NUP43: variants seen among roughly 807,000 people sequenced by gnomAD.
NUP43 encodes the protein nucleoporin Nup43.
A neutral mutation model predicts 47.3 loss-of-function variants in NUP43; 32 were observed. That is an observed-to-expected ratio of 0.68 (90% CI 0.51 to 0.91). The LOEUF (loss-of-function observed/expected upper bound fraction) is 0.91. Among genes scored for constraint, NUP43 ranks in the 40% least tolerant of loss-of-function variants. The pLI is 0.00. For missense variants in NUP43, 444 were observed against 453.9 expected (o/e 0.98, Z 0.20); for synonymous variants, 147 against 158.4 (o/e 0.93, Z 0.54).
At chr6:149,728,324 G>C in intron 7 of NUP43, 1 of 985,114 alleles carries the variant, frequency 1.0e-6, no homozygotes, top group South Asian at 4.7e-5. Context: ...AAGTAAACTT[G>C]CAAGTTCAAG....
At chr6:149,740,275 C>CAAAAAAAA (rs766447484) in intron 4 of NUP43, among the ~76,000 whole-genome samples, 1 of 22,446 alleles carries the variant, frequency 4.5e-5, no homozygotes. Context: ...GACCCTGTCT[C>CAAAAAAAA]AAAAAAAAAA....
upstream of NUP43, among the ~76,000 whole-genome samples, chr6:149,747,905 T>G (rs964971490): frequency 2.6e-5 from 4 of 152,226 alleles, no homozygotes; most frequent in African/African-American, 9.6e-5. Context: ...GGATTTGACT[T>G]TTTTCTTTTC....
rs1303974481 is a variant in NUP43 at position 149,736,540 on chromosome 6, T to C, written c.721A>G (p.Met241Val). ...TGTCTAACATCCCAAATACTCAACA[T>C]TCCATCTTGGCCACCAGTAGCTACA... ...HVVATGGQDG[M>V]LSIWDVRQGT... Residue 241 changes from methionine (M) to valine (V), a missense_variant, in exon 6 of 8, where the codon ATG (methionine) becomes GTG (valine). By Grantham distance (21) the Met-to-Val change is conservative (BLOSUM62 1). Coordinates refer to ENST00000340413, the MANE Select transcript of NUP43 (RefSeq NM_198887.3). 4 of 1,612,080 alleles carry C rather than the reference T, an allele frequency of 2.5e-6. No homozygotes were observed. The highest frequency in any genetic ancestry group is 3.4e-6 in the Non-Finnish European group (4 of 1,178,370).
At chr6:149,749,271 T>A (rs1380061158), upstream of NUP43, 1 of 158,050 alleles carries the variant, frequency 6.3e-6, no homozygotes, top group Non-Finnish European at 1.4e-5. Flanking sequence ...TTTATTCTTA[T>A]TGTATTATTC....
At chr6:149,741,860 A>G (rs1268090030) in intron 4 of NUP43, among the ~76,000 whole-genome samples, 1 of 151,594 alleles carries the variant, frequency 6.6e-6, no homozygotes, top group African/African-American at 2.4e-5. Flanking sequence ...AAAGGAGTAC[A>G]ATGATTTTTC....
chr6:149,734,380 G>A (rs1785214504), intron 6 of NUP43, among the ~76,000 whole-genome samples: 3 of 151,556 alleles, frequency 2.0e-5, no homozygotes, highest in Non-Finnish European at 2.9e-5. Context: ...CGTGCCTGTA[G>A]CCTCAGCTAC....
At chr6:149,743,183 A>G (rs575326180) in intron 3 of NUP43, among the ~76,000 whole-genome samples, 1 of 151,428 alleles carries the variant, frequency 6.6e-6, no homozygotes, top group African/African-American at 2.4e-5. Flanking sequence ...CTCAAAAAAA[A>G]AAATAAATAA....
chr6:149,742,470 T>C lies in NUP43; in HGVS notation c.422A>G (p.Asn141Ser), dbSNP rs375503156. ...CTCTCCAACTGTAACGATTTCTGGGTTGTTGCACACAACACCTGTACATGG... is the reference window on the plus strand; with the variant it reads ...CTCTCCAACTGTAACGATTTCTGGGCTGTTGCACACAACACCTGTACATGG... ...SAPCTGVVCNNPEIVTVGEDG... is the reference protein window; with the variant it reads ...SAPCTGVVCNSPEIVTVGEDG... Residue 141 changes from asparagine to serine, a missense_variant, in exon 4 of 8, where the codon AAC (asparagine) becomes AGC (serine). Physicochemically the swap from Asn to Ser is conservative, Grantham distance 46. Transcript: ENST00000340413. 6.8e-6 allele frequency: 11 copies of C among 1,614,160 alleles called. No homozygotes were observed. In the African/African-American group the frequency reaches 1.2e-4, roughly 18 times the overall value.
At chr6:149,733,302 G>A (rs1486794258) in intron 6 of NUP43, among the ~76,000 whole-genome samples, 1 of 152,092 alleles carries the variant, frequency 6.6e-6, no homozygotes, top group Non-Finnish European at 1.5e-5. Context: ...CAAGAATTTG[G>A]ATCCAGTCTC....
At chr6:149,741,695 C>T (rs548647909) in intron 4 of NUP43, among the ~76,000 whole-genome samples, 4 of 151,668 alleles carry the variant, frequency 2.6e-5, no homozygotes, top group South Asian at 4.2e-4. Context: ...TCAGTAGAGA[C>T]GGATTTTCAC....
At chr6:149,729,571 C>G (rs1329720860) in intron 7 of NUP43, 13 of 966,698 alleles carry the variant, frequency 1.3e-5, no homozygotes, top group Non-Finnish European at 1.6e-5. Flanking sequence ...AGCAGGGGTA[C>G]TAACAATTAC....
intron 4 of NUP43, among the ~76,000 whole-genome samples, chr6:149,738,981 T>TGAA (rs2115125818): frequency 6.6e-6 from 1 of 152,118 alleles, no homozygotes; most frequent in African/African-American, 2.4e-5. Context: ...ACAGGACATC[T>TGAA]GAACTGTTTT....
At chr6:149,731,042 C>A (rs1367249768) in intron 7 of NUP43, among the ~76,000 whole-genome samples, 2 of 151,666 alleles carry the variant, frequency 1.3e-5, no homozygotes, top group African/African-American at 2.4e-5. Flanking sequence ...CTGAGGTGGT[C>A]AGATCACTTG....
At chr6:149,728,475 T>G (rs1784889848) in intron 7 of NUP43, 9 of 984,746 alleles carry the variant, frequency 9.1e-6, no homozygotes, top group Non-Finnish European at 1.1e-5. Flanking sequence ...GCTCCAGAAT[T>G]TTTCTGAAGA....
intron 4 of NUP43, among the ~76,000 whole-genome samples, chr6:149,739,758 C>A (rs545673520): frequency 6.6e-6 from 1 of 152,264 alleles, no homozygotes; most frequent in South Asian, 2.1e-4. Flanking sequence ...CCAGTGCTTC[C>A]TACAGAGCTC....
intron 2 of NUP43, 129 bp from the exon 3 acceptor site, chr6:149,743,844 G>A: frequency 3.5e-6 from 2 of 573,258 alleles, no homozygotes; most frequent in Admixed American, 3.4e-5. Flanking sequence ...TGAGTGCTAA[G>A]GAAATAAAAT....
At chr6:149,746,622 T>C, upstream of NUP43, 2 of 1,600,854 alleles carry the variant, frequency 1.2e-6, no homozygotes, top group South Asian at 1.1e-5. Flanking sequence ...AGAGAGTCAA[T>C]TCTCGTCGAT....
chr6:149,747,156 T>C (rs912050644), upstream of NUP43, among the ~76,000 whole-genome samples: 2 of 152,234 alleles, frequency 1.3e-5, no homozygotes, highest in African/African-American at 4.8e-5. Context: ...CCTTCTGTGC[T>C]TTTGGTTACA....
intron 4 of NUP43, among the ~76,000 whole-genome samples, chr6:149,739,299 G>GT (rs1344911652): frequency 2.6e-5 from 4 of 151,486 alleles, no homozygotes; most frequent in African/African-American, 4.8e-5. Flanking sequence ...TTTTCTTTTT[G>GT]TTTTTTGAGA....
Sources: allele counts gnomAD v4.1 joint callset (sites outside exome capture counted in the v4.1 genomes callset), GRCh38; gene constraint gnomAD v4.1.1; transcripts MANE v1.5; gene names NCBI Gene and HGNC (gene_info 2026-07-23, HGNC 2026-07-21).